Variants in MYBPC1 observed in about 807,000 individuals in gnomAD.
MYBPC1 encodes the protein myosin-binding protein C, slow-type.
Under a neutral mutation model 147.1 loss-of-function variants are expected in MYBPC1, and 52 were observed. The observed-to-expected ratio is 0.35, with a 90% CI of 0.28 to 0.45. The LOEUF is 0.45. Ranked by LOEUF, MYBPC1 falls within the 20% of genes least tolerant of loss-of-function variation. The pLI, the probability that MYBPC1 is intolerant of heterozygous loss-of-function variation, is 1.00. For missense variants in MYBPC1, 1,228 were observed against 1,440.3 expected, an observed-to-expected ratio of 0.85 and a Z score of 2.39; for synonymous variants, 477 against 475.9, an observed-to-expected ratio of 1.00 and a Z score of -0.03.
At chr12:101,644,144 C>G (rs571163748) in intron 11 of MYBPC1, among the ~76,000 whole-genome samples, 31 of 152,308 alleles carry the variant, frequency 2.0e-4, no homozygotes, top group African/African-American at 6.7e-4. Context: ...TCAAGTGACT[C>G]TCATGCCTCA....
At chr12:101,615,671 C>CCCA (rs1885772561) in intron 2 of MYBPC1, among the ~76,000 whole-genome samples, 1 of 74,370 alleles carries the variant, frequency 1.3e-5, no homozygotes, top group Non-Finnish European at 2.7e-5. Context: ...CGCCCCCCCC[C>CCCA]CGCCCCCCCA....
chr12:101,595,922 T>G (rs758318401), intron 1 of MYBPC1, among the ~76,000 whole-genome samples: 1 of 152,074 alleles, frequency 6.6e-6, no homozygotes, highest in Non-Finnish European at 1.5e-5. Flanking sequence ...TAAATAATAA[T>G]AAGCACAAAT....
chr12:101,627,966 G>A (rs1236457727), intron 5 of MYBPC1, 162 bp downstream of exon 5: 1 of 821,966 alleles, frequency 1.2e-6, no homozygotes, highest in South Asian at 1.6e-5. Context: ...CTAATGTATT[G>A]AGAAACAATT....
Position 101,663,458 on chromosome 12 carries a change from G to T in MYBPC1, c.2254G>T (p.Asp752Tyr). The T allele has an allele frequency of 1.2e-6, 2 of 1,613,742 alleles. No individual in the cohort carries two copies. Among genetic ancestry groups the T allele is most frequent in the East Asian group, 2.2e-5 (1 of 44,870 alleles). The change falls in exon 22 of 32, where the codon GAC becomes TAC. Residue 752 changes from aspartate (D) to tyrosine (Y), a missense_variant. By Grantham distance (160) the Asp-to-Tyr change is radical (BLOSUM62 -3). Around this residue, in one of 2 missense-constraint regions of MYBPC1, gnomAD observed 1,077 missense variants for 1,314.2 expected, o/e 0.82. Coordinates refer to ENST00000361466, the MANE Select transcript of MYBPC1 (RefSeq NM_002465.4). The stretch of plus-strand genomic sequence containing the variant: ...AAGCCCTCCTACTCTTCTGACTGTG[G>T]ACTCTGTCACTGACACGACTGTCAC... The part of the protein sequence containing the change: ...VTSPPTLLTV[D>Y]SVTDTTVTMR...
intron 2 of MYBPC1, among the ~76,000 whole-genome samples, chr12:101,615,676 C>T (rs11110889): frequency 7.4e-5 from 8 of 107,720 alleles, no homozygotes; most frequent in Admixed American, 3.0e-4. Context: ...CCCCCCCGCC[C>T]CCCCACACCA....
chr12:101,614,620 C>A, intron 2 of MYBPC1, 89 bp downstream of exon 2: 1 of 1,384,904 alleles, frequency 7.2e-7, no homozygotes, highest in Non-Finnish European at 1.0e-6. Context: ...GTGCTGTGAG[C>A]TGTGAGCTTT....
At chr12:101,676,628 G>A (rs1220627463) in intron 26 of MYBPC1, among the ~76,000 whole-genome samples, 1 of 152,096 alleles carries the variant, frequency 6.6e-6, no homozygotes, top group African/African-American at 2.4e-5. Flanking sequence ...GCACGTGCCT[G>A]TAGTCCCAGT....
intron 3 of MYBPC1, among the ~76,000 whole-genome samples, chr12:101,618,428 T>C (rs144530106): frequency 1.3e-5 from 2 of 152,270 alleles, no homozygotes; most frequent in Non-Finnish European, 2.9e-5. Flanking sequence ...ACTCCTTCCA[T>C]GGGATGGTTT....
intron 7 of MYBPC1, 145 bp downstream of exon 7, chr12:101,631,864 G>A (rs1013162268): frequency 1.6e-5 from 22 of 1,373,220 alleles, no homozygotes; most frequent in East Asian, 4.7e-5. Context: ...ACTCTATTGC[G>A]ATTGCCCGGC....
intron 18 of MYBPC1, among the ~76,000 whole-genome samples, chr12:101,659,353 G>T (rs1232448922): frequency 6.6e-6 from 1 of 152,140 alleles, no homozygotes; most frequent in African/African-American, 2.4e-5. Context: ...TGGGAAAGTT[G>T]GTGGCTAGTG....
chr12:101,682,733 G>T, intron 30 of MYBPC1, 71 bp downstream of exon 30: 1 of 1,359,574 alleles, frequency 7.4e-7, no homozygotes. Context: ...AATGCACCTT[G>T]CATGTAAAGC....
chr12:101,604,029 T>G (rs1420084959), intron 1 of MYBPC1, among the ~76,000 whole-genome samples: 1 of 152,226 alleles, frequency 6.6e-6, no homozygotes, highest in African/African-American at 2.4e-5. Context: ...CAATAATTTC[T>G]TTTTGACCTA....
chr12:101,665,673 A>G (rs1897297420), intron 22 of MYBPC1, among the ~76,000 whole-genome samples: 1 of 152,148 alleles, frequency 6.6e-6, no homozygotes, highest in Non-Finnish European at 1.5e-5. Flanking sequence ...TTCCAATGTG[A>G]AGAGATGGGC....
chr12:101,649,917 G>T lies in MYBPC1; in HGVS notation c.1363+491G>T, dbSNP rs79599657. Reference sequence around the variant, plus strand: ...AATGCCCTCTACTTCTAGTCAGTTAGCAATGGCAGAATCTCTCCCAATTTG... The same window carrying T: ...AATGCCCTCTACTTCTAGTCAGTTATCAATGGCAGAATCTCTCCCAATTTG... On this transcript the variant is annotated intron_variant, in intron 15 of 31. Transcript: ENST00000361466. Among the ~76,000 whole-genome samples, 162 of 152,286 alleles carry T rather than the reference G, an allele frequency of 1.1e-3. 6 individuals carry two copies. The East Asian group carries it at 0.023, about 22-fold the overall frequency.
At position 101,667,902 on chromosome 12, in the gene MYBPC1, A is replaced by G. The variant is rs1423286059; in HGVS notation, c.2524+3A>G. 1 of 1,613,682 alleles carries G rather than the reference A, an allele frequency of 6.2e-7. No individual in the cohort carries two copies. Among genetic ancestry groups the G allele is most frequent in the African/African-American group, 1.3e-5 (1 of 75,062 alleles). The stretch of plus-strand genomic sequence containing the variant: ...CATTCTCGTGAAGGAAATCATAGGT[A>G]GGAGACAAGGCTTTCAAAAGTTAGA... On this transcript the variant is annotated splice_donor_region_variant and intron_variant, in intron 23 of 31. Transcript: ENST00000361466.
At position 101,666,708 on chromosome 12, in the gene MYBPC1, G is replaced by T. The variant is rs752119891; in HGVS notation, c.2357-1024G>T. On this transcript the variant is annotated intron_variant, in intron 22 of 31. Transcript: ENST00000361466. ...CGATATTATTCTGGTGTGAAAGTGG[G>T]TGTCTTTAATTAATTTTAATGACGG... The T allele has an allele frequency of 2.6e-6, 4 of 1,558,320 alleles. No individual in the cohort carries two copies. The South Asian group carries it at 3.3e-5, about 13-fold the overall frequency.
chr12:101,609,191 AG>A (rs1451151733), intron 1 of MYBPC1, among the ~76,000 whole-genome samples: 1 of 152,118 alleles, frequency 6.6e-6, no homozygotes, highest in Non-Finnish European at 1.5e-5. Flanking sequence ...GGTGATATTT[AG>A]GGGGTGTGCT....
At chr12:101,609,706 G>A (rs765511079) in intron 1 of MYBPC1, among the ~76,000 whole-genome samples, 3 of 152,200 alleles carry the variant, frequency 2.0e-5, no homozygotes, top group Non-Finnish European at 4.4e-5. Context: ...AATGTTTTAA[G>A]AGTGCAGAGT....
At chr12:101,620,725 AT>A (rs1887180651) in intron 3 of MYBPC1, among the ~76,000 whole-genome samples, 1 of 152,224 alleles carries the variant, frequency 6.6e-6, no homozygotes, top group Non-Finnish European at 1.5e-5. Context: ...TGACAGCAGC[AT>A]TAGAATCAGA....
Sources: allele counts gnomAD v4.1 joint callset (sites outside exome capture counted in the v4.1 genomes callset), GRCh38; gene constraint gnomAD v4.1.1; regional missense constraint gnomAD v4.1.1; transcripts MANE v1.5; gene names NCBI Gene and HGNC (gene_info 2026-07-23, HGNC 2026-07-21).